PAX6: variants seen among roughly 807,000 people sequenced by gnomAD.
PAX6 encodes paired box protein Pax-6.
PAX6 carries 7 observed loss-of-function variants against 60.7 expected under a neutral mutation model. That is an observed-to-expected ratio of 0.12 (90% CI 0.07 to 0.22). PAX6 has a LOEUF of 0.22. Ranked by LOEUF, PAX6 falls within the 10% of genes least tolerant of loss-of-function variation. The pLI is 1.00. For synonymous variants in PAX6, 208 were observed against 201.2 expected, an observed-to-expected ratio of 1.03 and a Z score of -0.29; for missense variants, 355 against 555.2, an observed-to-expected ratio of 0.64 and a Z score of 3.62.
intron 9 of PAX6, 179 bp downstream of exon 9, chr11:31,794,450 AC>A: frequency 4.8e-6 from 3 of 622,382 alleles, no homozygotes; most frequent in Non-Finnish European, 8.6e-6. Context: ...ACACACACAC[AC>A]ACACACACAC....
chr11:31,801,033 T>G, intron 7 of PAX6, 177 bp from the exon 8 acceptor site: 1 of 794,588 alleles, frequency 1.3e-6, no homozygotes, highest in Admixed American at 2.1e-5. Flanking sequence ...GCTATCACTT[T>G]GGGCATGGAA....
At chr11:31,792,887 T>C (rs1274622628) in intron 12 of PAX6, 1 of 227,754 alleles carries the variant, frequency 4.4e-6, no homozygotes, top group South Asian at 7.1e-5. Flanking sequence ...CCTTTTCTTA[T>C]TGTAGATACA....
chr11:31,816,854 C>T (rs1460819328), intron 1 of PAX6, among the ~76,000 whole-genome samples: 1 of 152,230 alleles, frequency 6.6e-6, no homozygotes, highest in Admixed American at 6.5e-5. Flanking sequence ...GAGGCCGCCC[C>T]AAACTCCCGG....
intron 1 of PAX6, chr11:31,816,739 C>T (rs1295376383): frequency 4.5e-6 from 3 of 671,982 alleles, no homozygotes; most frequent in Admixed American, 2.1e-5. Context: ...GTCCCAACAC[C>T]TGTCACAGGT....
chr11:31,802,923 T>A, intron 4 of PAX6, 89 bp from the exon 5 acceptor site: 1 of 1,288,890 alleles, frequency 7.8e-7, no homozygotes, highest in Non-Finnish European at 1.1e-6. Context: ...AAGAGGAAGA[T>A]GAGGGAGAAC....
intron 7 of PAX6, 140 bp from the exon 8 acceptor site, chr11:31,800,996 T>C (rs2135059416): frequency 1.1e-6 from 1 of 897,596 alleles, no homozygotes; most frequent in South Asian, 1.4e-5. Context: ...TGGGTGGATT[T>C]GCAGATACAC....
At chr11:31,798,205 TG>T (rs1258294833) in intron 8 of PAX6, among the ~76,000 whole-genome samples, 3 of 14,834 alleles carry the variant, frequency 2.0e-4, no homozygotes, top group Admixed American at 1.3e-3. Context: ...TTATGGGGGG[TG>T]GGGGTGGGGT....
intron 12 of PAX6, chr11:31,791,180 C>CTA (rs1230137427): frequency 2.4e-6 from 1 of 424,128 alleles, no homozygotes; most frequent in African/African-American, 2.0e-5. Context: ...TTTGAAGAAC[C>CTA]TATAGCATGA....
Position 31,800,860 on chromosome 11 carries a change from CAAATCAAACCA to C in PAX6, c.400-15_400-5del, listed in dbSNP as rs758179195. 552 of 1,613,896 alleles carry C rather than the reference CAAATCAAACCA, an allele frequency of 3.4e-4. No individual in the cohort carries two copies. Among genetic ancestry groups the C allele is most frequent in the Middle Eastern group, 6.6e-4 (4 of 6,062 alleles). ...GAACTCTGTTTATTGATGACACCTG[CAAATCAAACCA>C]AAATCAAACCAAATGGTAGTGTCTC... On this transcript the variant is annotated splice_region_variant and splice_polypyrimidine_tract_variant and intron_variant, in intron 7 of 13. Coordinates refer to ENST00000640368, the MANE Select transcript of PAX6 (RefSeq NM_001368894.2).
chr11:31,801,397 A>G, intron 7 of PAX6, 164 bp downstream of exon 7: 1 of 1,513,766 alleles, frequency 6.6e-7, no homozygotes, highest in South Asian at 1.3e-5. Flanking sequence ...CAGTCAAAGA[A>G]AAGTCAGGGC....
chr11:31,789,829 A>C lies in PAX6; in HGVS notation c.*105T>G, dbSNP rs765087371. 4 of 1,034,540 alleles carry C rather than the reference A, an allele frequency of 3.9e-6. No homozygotes were observed. In the South Asian group the frequency reaches 5.4e-5, roughly 14 times the overall value. The allele number at this position is 1,034,540 out of a possible 1,614,324, so 64.1% of individuals were successfully genotyped here. ...ACAATTGTAGAACTGAAGCGGCTCT[A>C]ACAGCCATTTTTCTTTCTTTCCTGA... On this transcript the variant is annotated 3_prime_UTR_variant, in exon 14 of 14. Transcript: ENST00000640368.
At chr11:31,806,121 G>A (rs1426947275) in intron 4 of PAX6, 4 of 471,230 alleles carry the variant, frequency 8.5e-6, no homozygotes, top group Non-Finnish European at 1.5e-5. Context: ...GTGAGTTACA[G>A]GATTTGGGGG....
chr11:31,803,384 C>G lies in PAX6; in HGVS notation c.11-550G>C, dbSNP rs74960953. 6.3e-3 allele frequency: 1,025 copies of G among 163,812 alleles called. 16 individuals are homozygous for G. The highest frequency in any genetic ancestry group is 0.023 in the African/African-American group (951 of 41,940). 10.1% of individuals were successfully genotyped at this position (163,812 alleles called of 1,614,324 possible). A position where few individuals can be genotyped will look rare whatever the true frequency, so the allele number is the denominator to read the frequency against. On this transcript the variant is annotated intron_variant, in intron 4 of 13. Transcript: ENST00000640368. ...CTTCAAGGTCTCTGCAGTGTTGGGA[C>G]AGTGATAGCAAACCTTACAGCCCTT...
At position 31,811,249 on chromosome 11, in the gene PAX6, C is replaced by A. The variant is rs1461133224; in HGVS notation, c.-451G>T. On this transcript the variant is annotated 5_prime_UTR_variant, in exon 1 of 14. Coordinates refer to ENST00000640368, the MANE Select transcript of PAX6 (RefSeq NM_001368894.2). The stretch of plus-strand genomic sequence containing the variant: ...TCCTCCAGCAAAACACTTCCTCCTG[C>A]GCCTGAACCAGAGCGGGAAATGAGG... 5.0e-6 allele frequency: 2 copies of A among 399,034 alleles called. No individual in the cohort carries two copies. The highest frequency in any genetic ancestry group is 8.8e-6 in the Non-Finnish European group (2 of 226,136). The allele number at this position is 399,034 out of a possible 1,614,324, so 24.7% of individuals were successfully genotyped here. A position where few individuals can be genotyped will look rare whatever the true frequency, so the allele number is the denominator to read the frequency against.
chr11:31,815,425 A>G (rs1032471284), upstream of PAX6, among the ~76,000 whole-genome samples: 3 of 151,948 alleles, frequency 2.0e-5, no homozygotes, highest in African/African-American at 7.3e-5. Context: ...ACCGCTGCCT[A>G]TTCTAAAGGC....
intron 8 of PAX6, 50 bp downstream of exon 8, chr11:31,800,641 C>CAAAG: frequency 6.2e-7 from 1 of 1,604,908 alleles, no homozygotes. Context: ...AGGGGACAGG[C>CAAAG]AAAGGGATGC....
Position 31,800,708 on chromosome 11 carries a change from G to A in PAX6, c.548C>T (p.Pro183Leu), listed in dbSNP as rs1232737360. 1 of 1,614,182 alleles carries A rather than the reference G, an allele frequency of 6.2e-7. No homozygotes were observed. Among genetic ancestry groups the A allele is most frequent in the African/African-American group, 1.3e-5 (1 of 75,056 alleles). The change falls in exon 8 of 14, where the codon CCA becomes CTA. Residue 183 changes from proline to leucine, a missense_variant. This residue lies in a region of PAX6 where 143 missense variants were observed against 183.6 expected (regional missense o/e 0.78). Coordinates refer to ENST00000640368, the MANE Select transcript of PAX6 (RefSeq NM_001368894.2). ...GGTTTTACCTTGCGTAGGTTGCCCT[G>A]GCACCGAAGTCCCCGGATACCAACC... The part of the protein sequence containing the change: ...RPGWYPGTSV[P>L]GQPTQDGCQQ...
Position 31,816,649 on chromosome 11 carries a change from G to A in PAX6, c.-317+1160C>T, listed in dbSNP as rs556015444. ...GAGGATCCCGGCCCAGGTAAGGCGT[G>A]CGGCCGGACTGCCACTGCGCTCGTC... On this transcript the variant is annotated intron_variant, in intron 1 of 12. Transcript: ENST00000241001. The A allele has an allele frequency of 2.9e-4, 207 of 702,098 alleles. 1 individual carries two copies. Among genetic ancestry groups the A allele is most frequent in the African/African-American group, 2.9e-3 (168 of 57,372 alleles). The allele number at this position is 702,098 out of a possible 1,614,324, so 43.5% of individuals were successfully genotyped here.
chr11:31,791,296 G>A, intron 12 of PAX6: 1 of 308,814 alleles, frequency 3.2e-6, no homozygotes, highest in South Asian at 3.3e-5. Context: ...AGAGCAGTGG[G>A]AGGAGCTCTC....
Sources: allele counts gnomAD v4.1 joint callset (sites outside exome capture counted in the v4.1 genomes callset), GRCh38; gene constraint gnomAD v4.1.1; regional missense constraint gnomAD v4.1.1; transcripts MANE v1.5; gene names NCBI Gene and HGNC (gene_info 2026-07-23, HGNC 2026-07-21).